The following BIRC6 variants were observed in gnomAD, a reference collection of about 807,000 sequenced individuals.
The protein encoded by BIRC6 is baculoviral IAP repeat containing 6, also known as dual E2 ubiquitin-conjugating enzyme/E3 ubiquitin-protein ligase BIRC6.
In BIRC6, 98 loss-of-function variants were observed where a neutral mutation model predicts 503.3. The ratio of observed to expected loss-of-function variants is 0.19; its 90% confidence interval spans 0.17 to 0.23. The LOEUF (loss-of-function observed/expected upper bound fraction) is 0.23. BIRC6 is among the 10% of genes least tolerant of loss of function. BIRC6 has a pLI of 1.00. For missense variants in BIRC6, 5,360 were observed against 5,806.0 expected, an observed-to-expected ratio of 0.92 and a Z score of 2.50; for synonymous variants, 2,240 against 2,078.7, an observed-to-expected ratio of 1.08 and a Z score of -2.11.
intron 11 of BIRC6, 39 bp from the exon 12 acceptor site, chr2:32,430,826 T>TTTTTA: frequency 1.1e-6 from 1 of 939,276 alleles, no homozygotes; most frequent in Non-Finnish European, 1.6e-6. Context: ...TTTTTTTTTT[T>TTTTTA]CCACACCTAT....
intron 1 of BIRC6, among the ~76,000 whole-genome samples, chr2:32,360,765 A>G (rs1307730294): frequency 2.0e-5 from 3 of 152,164 alleles, no homozygotes. Context: ...ATTTAAGTTT[A>G]AATTCCATTT....
chr2:32,368,630 G>A (rs1335216000), intron 1 of BIRC6, among the ~76,000 whole-genome samples: 1 of 152,078 alleles, frequency 6.6e-6, no homozygotes, highest in Non-Finnish European at 1.5e-5. Flanking sequence ...TGTTTAGTGT[G>A]TCTGGGATAA....
chr2:32,464,900 A>C, intron 25 of BIRC6, 77 bp downstream of exon 25: 5 of 1,494,576 alleles, frequency 3.3e-6, no homozygotes, highest in East Asian at 2.3e-5. Context: ...TAGAAGGCAA[A>C]ATTTTTAATA....
intron 6 of BIRC6, among the ~76,000 whole-genome samples, chr2:32,398,425 C>G (rs1340210665): frequency 6.6e-6 from 1 of 152,154 alleles, no homozygotes; most frequent in Non-Finnish European, 1.5e-5. Flanking sequence ...GTTACTGTAT[C>G]AAGAAATCTT....
At chr2:32,545,104 G>A (rs1226403826) in intron 62 of BIRC6, among the ~76,000 whole-genome samples, 1 of 151,960 alleles carries the variant, frequency 6.6e-6, no homozygotes, top group Non-Finnish European at 1.5e-5. Context: ...CATATACAAT[G>A]AATTTTTATT....
Position 32,524,934 on chromosome 2 carries a change from C to A in BIRC6, c.11670C>A (p.Asp3890Glu), listed in dbSNP as rs1313828907. The A allele has an allele frequency of 1.3e-6, 2 of 1,524,122 alleles. No homozygotes were observed. Among genetic ancestry groups the A allele is most frequent in the Admixed American group, 2.1e-5 (1 of 47,154 alleles). The allele number at this position is 1,524,122 out of a possible 1,614,324, so 94.4% of individuals were successfully genotyped here. A position where few individuals can be genotyped will look rare whatever the true frequency, so the allele number is the denominator to read the frequency against. The change falls in exon 58 of 74, where the codon GAC (aspartate) becomes GAA (glutamate). Residue 3890 changes from aspartate (D) to glutamate (E), a missense_variant. By Grantham distance (45) the Asp-to-Glu change is conservative. Coordinates refer to ENST00000421745, the MANE Select transcript of BIRC6 (RefSeq NM_016252.4). ...TAKLISEQKD[D>E]KEKKNHEEKE... The stretch of plus-strand genomic sequence containing the variant: ...AATTAATTAGTGAACAAAAAGATGA[C>A]AAAGAAAAGAAAAACCATGAAGAGA...
chr2:32,411,651 T>G (rs962786988), intron 9 of BIRC6, among the ~76,000 whole-genome samples: 1 of 151,850 alleles, frequency 6.6e-6, no homozygotes. Flanking sequence ...CTACTTTTTG[T>G]GTTTTTGGTA....
At chr2:32,392,184 G>T (rs1300096758) in intron 5 of BIRC6, 34 bp downstream of exon 5, 1 of 1,371,854 alleles carries the variant, frequency 7.3e-7, no homozygotes. Flanking sequence ...ACTTTTCTCA[G>T]TAGGCCTTTG....
chr2:32,487,508 C>A, intron 40 of BIRC6, 139 bp from the exon 41 acceptor site: 1 of 647,216 alleles, frequency 1.5e-6, no homozygotes. Context: ...TTTTCAAATA[C>A]TAAATATTGT....
intron 62 of BIRC6, among the ~76,000 whole-genome samples, chr2:32,544,963 A>T (rs2057953932): frequency 6.6e-6 from 1 of 152,032 alleles, no homozygotes; most frequent in Non-Finnish European, 1.5e-5. Context: ...CGATATTTTG[A>T]TAAAGACATA....
chr2:32,538,685 C>T (rs987191943), intron 61 of BIRC6, among the ~76,000 whole-genome samples: 1 of 152,198 alleles, frequency 6.6e-6, no homozygotes, highest in Non-Finnish European at 1.5e-5. Context: ...AATCCCAGCA[C>T]TTTGGGAGGC....
chr2:32,442,043 T>A, intron 17 of BIRC6, 22 bp from the exon 18 acceptor site: 1 of 1,498,356 alleles, frequency 6.7e-7, no homozygotes, highest in South Asian at 1.4e-5. Flanking sequence ...TGGTAATGTG[T>A]TTATATTTTC....
intron 45 of BIRC6, among the ~76,000 whole-genome samples, chr2:32,494,320 T>C (rs930646926): frequency 3.3e-5 from 5 of 151,932 alleles, no homozygotes; most frequent in Non-Finnish European, 5.9e-5. Context: ...CTCCGCCTCC[T>C]GGGTTGAAGC....
At chr2:32,497,836 C>A (rs1180905484) in intron 45 of BIRC6, among the ~76,000 whole-genome samples, 1 of 151,920 alleles carries the variant, frequency 6.6e-6, no homozygotes, top group African/African-American at 2.4e-5. Flanking sequence ...TTAGACCTTT[C>A]TTTTCTAATA....
At chr2:32,449,130 T>C in intron 22 of BIRC6, 1 of 483,400 alleles carries the variant, frequency 2.1e-6, no homozygotes, top group African/African-American at 2.0e-5. Flanking sequence ...TATATTAAAG[T>C]CATATTTGAA....
chr2:32,487,335 C>CT (rs369154225), intron 40 of BIRC6, among the ~76,000 whole-genome samples: 38 of 152,226 alleles, frequency 2.5e-4, no homozygotes, highest in African/African-American at 8.9e-4. Flanking sequence ...AGTCTTATTT[C>CT]TTTCCCTTTA....
intron 21 of BIRC6, among the ~76,000 whole-genome samples, 139 bp from the exon 22 acceptor site, chr2:32,448,642 AAGGGGACCGTGGAG>A (rs1193325977): frequency 2.0e-5 from 3 of 149,100 alleles, no homozygotes; most frequent in Non-Finnish European, 4.4e-5. Context: ...GAGACCGTGG[AAGGGGACCGTGGAG>A]AGGGGAGAGG....
At chr2:32,473,314 A>G in intron 33 of BIRC6, 75 bp downstream of exon 33, 1 of 1,254,762 alleles carries the variant, frequency 8.0e-7, no homozygotes, top group Non-Finnish European at 1.1e-6. Context: ...CAGATGTGCC[A>G]TCAGATGTGA....
At chr2:32,390,326 A>G (rs1010906895) in intron 4 of BIRC6, among the ~76,000 whole-genome samples, 1 of 152,066 alleles carries the variant, frequency 6.6e-6, no homozygotes, top group Non-Finnish European at 1.5e-5. Flanking sequence ...GCCCGCCACC[A>G]TGCCCAGCTA....
Sources: gnomAD v4.1 joint callset for allele counts (sites outside exome capture counted in the v4.1 genomes callset) on GRCh38, gnomAD v4.1.1 for gene constraint, MANE v1.5 for transcripts, NCBI Gene and HGNC (gene_info 2026-07-23, HGNC 2026-07-21) for gene names.